PCDHGA11: variants seen among roughly 807,000 people sequenced by gnomAD.
PCDHGA11 encodes the protein protocadherin gamma subfamily A, 11, also known as protocadherin gamma-A11.
A neutral mutation model predicts 60.4 loss-of-function variants in PCDHGA11; 39 were observed. The ratio of observed to expected loss-of-function variants is 0.65; its 90% CI spans 0.50 to 0.84. PCDHGA11 has a LOEUF of 0.84. Among genes scored for constraint, PCDHGA11 ranks in the 40% least tolerant of loss-of-function variants. The pLI, the probability that PCDHGA11 is intolerant of heterozygous loss-of-function variation, is 0.00. For missense variants in PCDHGA11, 1,165 were observed against 1,197.7 expected (o/e 0.97, Z 0.40); for synonymous variants, 533 against 510.3 (o/e 1.04, Z -0.60).
intron 1 of PCDHGA11, among the ~76,000 whole-genome samples, chr5:141,466,670 G>T (rs994949602): frequency 6.6e-6 from 1 of 152,046 alleles, no homozygotes; most frequent in Non-Finnish European, 1.5e-5. Flanking sequence ...TGATTTCACC[G>T]TTCTTCCACT....
At chr5:141,467,060 T>C (rs1304506319) in intron 1 of PCDHGA11, among the ~76,000 whole-genome samples, 1 of 151,520 alleles carries the variant, frequency 6.6e-6, no homozygotes, top group Non-Finnish European at 1.5e-5. Context: ...GTTTTCTTTT[T>C]TTTTTTTTTT....
intron 1 of PCDHGA11, among the ~76,000 whole-genome samples, chr5:141,480,290 C>T (rs1053173416): frequency 2.2e-5 from 3 of 134,088 alleles, no homozygotes; most frequent in Non-Finnish European, 4.7e-5. Flanking sequence ...TGGCATGCAC[C>T]TGTGGTACCA....
intron 2 of PCDHGA11, among the ~76,000 whole-genome samples, chr5:141,496,582 G>C (rs991035985): frequency 6.6e-6 from 1 of 152,100 alleles, no homozygotes; most frequent in Non-Finnish European, 1.5e-5. Flanking sequence ...TTTTAGGAAC[G>C]CAAAGCGCTT....
At chr5:141,423,702 C>T in intron 1 of PCDHGA11, 42 bp downstream of exon 1, 4 of 1,340,970 alleles carry the variant, frequency 3.0e-6, no homozygotes, top group South Asian at 1.6e-5. Flanking sequence ...GGTGTCTTGG[C>T]ACAAGTCTTT....
At chr5:141,496,268 G>T (rs1237681971) in intron 2 of PCDHGA11, among the ~76,000 whole-genome samples, 1 of 152,208 alleles carries the variant, frequency 6.6e-6, no homozygotes, top group Non-Finnish European at 1.5e-5. Flanking sequence ...TCAGCAGAAA[G>T]ACCTTCAGTT....
intron 2 of PCDHGA11, among the ~76,000 whole-genome samples, chr5:141,495,834 C>T (rs1366861675): frequency 6.6e-6 from 1 of 152,198 alleles, no homozygotes; most frequent in African/African-American, 2.4e-5. Context: ...CTATCCCCAG[C>T]CTCTATGTTT....
In PCDHGA11 at chr5:141,430,969, TAGGACGCA is replaced by T. The variant is rs775497521; in HGVS notation, c.2433+7310_2433+7317del. The T allele has an allele frequency of 7.3e-5, 118 of 1,613,012 alleles. 1 individual carries two copies. The Middle Eastern group carries it at 1.8e-3, about 25-fold the overall frequency. On this transcript the variant is annotated intron_variant, in intron 1 of 3. Transcript: ENST00000398587. ...GCGGAGTCCGCATCATCCCCAGAGG[TAGGACGCA>T]GCTTTTCGCCCTGAATCCGCGCAGC...
chr5:141,426,642 G>T, intron 1 of PCDHGA11: 1 of 411,420 alleles, frequency 2.4e-6, no homozygotes, highest in South Asian at 1.7e-5. Context: ...TCACATAAAT[G>T]TGATGATAGA....
intron 1 of PCDHGA11, among the ~76,000 whole-genome samples, chr5:141,468,047 G>A (rs901583535): frequency 2.0e-5 from 3 of 152,050 alleles, no homozygotes; most frequent in Non-Finnish European, 2.9e-5. Context: ...AAACTAAGCC[G>A]GGCACAGTGG....
In PCDHGA11 at chr5:141,476,327, G is replaced by A. The variant is rs2099389169; in HGVS notation, c.2434-18480G>A. The A allele has an allele frequency of 1.2e-6, 2 of 1,614,192 alleles. No individual in the cohort carries two copies. Among genetic ancestry groups the A allele is most frequent in the African/African-American group, 1.3e-5 (1 of 75,046 alleles). On this transcript the variant is annotated intron_variant, in intron 1 of 3. Transcript: ENST00000398587. The surrounding 1 kb of genome is among the most constrained non-coding windows in gnomAD (Gnocchi z 7.6). ...AGCCCGCAGGTTCCGGGTGGTGTCT[G>A]GAGCTAGCCGAAGATTCTTTGAGGT...
Position 141,512,703 on chromosome 5 carries a change from T to C in PCDHGA11, c.*1530T>C. ...TAGCCAGTAGTGTAGTGCGGTGTGC[T>C]TTTACGTGATGGCGGGTGGGCAGCG... On this transcript the variant is annotated 3_prime_UTR_variant, in exon 4 of 4. Coordinates refer to ENST00000398587, the MANE Select transcript of PCDHGA11 (RefSeq NM_018914.3). 1 of 152,958 alleles carries C rather than the reference T, an allele frequency of 6.5e-6. No individual in the cohort carries two copies. Among genetic ancestry groups the C allele is most frequent in the East Asian group, 1.9e-4 (1 of 5,212 alleles). 9.5% of individuals were successfully genotyped at this position (152,958 alleles called of 1,614,324 possible).
chr5:141,456,973 A>G (rs1276476368), intron 1 of PCDHGA11, among the ~76,000 whole-genome samples: 2 of 147,412 alleles, frequency 1.4e-5, no homozygotes, highest in Admixed American at 6.7e-5. Flanking sequence ...AAAACAAAAC[A>G]AACAAACAAA....
intron 1 of PCDHGA11, among the ~76,000 whole-genome samples, chr5:141,471,014 G>A (rs2099246573): frequency 6.7e-6 from 1 of 148,628 alleles, no homozygotes; most frequent in Non-Finnish European, 1.5e-5. Context: ...ACTGTGCCTG[G>A]TCAATCATTT....
intron 3 of PCDHGA11, 57 bp from the exon 4 acceptor site, chr5:141,510,890 A>G (rs1434557860): frequency 1.2e-5 from 20 of 1,612,748 alleles, no homozygotes; most frequent in South Asian, 3.3e-5. Context: ...GATATAAGAC[A>G]GTGACTGTTG....
In PCDHGA11 at chr5:141,477,854, C is replaced by G; in HGVS notation, c.2434-16953C>G. 3.1e-6 allele frequency: 5 copies of G among 1,614,098 alleles called. No individual in the cohort carries two copies. Among genetic ancestry groups the G allele is most frequent in the Non-Finnish European group, 4.2e-6 (5 of 1,180,004 alleles). ...GCCAGGTGGGAGCTCGGTGGAGATG[C>G]TGCCTCGAGGTACCTCAGCTGGCCA... On this transcript the variant is annotated intron_variant, in intron 1 of 3. Transcript: ENST00000398587. This position sits in a 1 kb window ranked among gnomAD's most constrained non-coding sequence, Gnocchi z 4.9.
Position 141,421,354 on chromosome 5 carries a change from G to T in PCDHGA11, c.127G>T (p.Gly43Cys). The stretch of plus-strand genomic sequence containing the variant: ...TTCGGTGCCAGAAGAGACCGAAAAG[G>T]GCTCCTTCGTGGGCAATATCTCCAA... ...RYSVPEETEKGSFVGNISKDL... is the reference protein window; with the variant it reads ...RYSVPEETEKCSFVGNISKDL... The change falls in exon 1 of 4, where the codon GGC becomes TGC. Residue 43 changes from glycine (G) to cysteine (C), a missense_variant. By Grantham distance (159) the Gly-to-Cys change is radical. Coordinates refer to ENST00000398587, the MANE Select transcript of PCDHGA11 (RefSeq NM_018914.3). 1.2e-6 allele frequency: 2 copies of T among 1,613,980 alleles called. No individual in the cohort carries two copies. Among genetic ancestry groups the T allele is most frequent in the Non-Finnish European group, 1.7e-6 (2 of 1,179,902 alleles).
intron 2 of PCDHGA11, among the ~76,000 whole-genome samples, chr5:141,500,431 G>A (rs1340129330): frequency 6.6e-6 from 1 of 151,476 alleles, no homozygotes; most frequent in Non-Finnish European, 1.5e-5. Flanking sequence ...GGATGGTCTC[G>A]ATCTCCTGAC....
intron 1 of PCDHGA11, chr5:141,424,630 A>G (rs1440031596): frequency 1.3e-5 from 2 of 152,366 alleles, no homozygotes; most frequent in East Asian, 3.9e-4. Flanking sequence ...TTGTGAATAT[A>G]TAAATAGATT....
chr5:141,508,045 T>A (rs985875804), intron 3 of PCDHGA11: 1 of 152,264 alleles, frequency 6.6e-6, no homozygotes, highest in Non-Finnish European at 1.5e-5. Flanking sequence ...GCCAGCTGTG[T>A]TCCAGCTAAT....
Sources: allele counts gnomAD v4.1 joint callset (sites outside exome capture counted in the v4.1 genomes callset), GRCh38; gene constraint gnomAD v4.1.1; non-coding constraint Gnocchi (gnomAD v3.1); transcripts MANE v1.5; gene names NCBI Gene and HGNC (gene_info 2026-07-23, HGNC 2026-07-21).